PLEKHA7: variants seen among roughly 807,000 people sequenced by gnomAD.
PLEKHA7 encodes pleckstrin homology domain containing A7.
In PLEKHA7, 104 loss-of-function variants were observed where a neutral mutation model predicts 170.0. The ratio of observed to expected loss-of-function variants is 0.61; its 90% CI spans 0.52 to 0.72. The LOEUF (loss-of-function observed/expected upper bound fraction) is 0.72, where lower values mean the gene tolerates loss of function less well. Among genes scored for constraint, PLEKHA7 ranks in the 30% least tolerant of loss-of-function variants. PLEKHA7 has a pLI of 0.00. For missense variants in PLEKHA7, 1,615 were observed against 1,671.7 expected, an observed-to-expected ratio of 0.97 and a Z score of 0.59; for synonymous variants, 648 against 660.8, an observed-to-expected ratio of 0.98 and a Z score of 0.30.
chr11:16,796,897 G>A (rs1395334837), intron 17 of PLEKHA7, among the ~76,000 whole-genome samples: 1 of 152,050 alleles, frequency 6.6e-6, no homozygotes, highest in East Asian at 1.9e-4. Context: ...TGAACTCCCG[G>A]CTCCAAGTGA....
At chr11:16,921,687 A>G (rs1336761739) in intron 3 of PLEKHA7, among the ~76,000 whole-genome samples, 1 of 152,250 alleles carries the variant, frequency 6.6e-6, no homozygotes, top group Non-Finnish European at 1.5e-5. Flanking sequence ...AAGTTGCATC[A>G]TAACTTGCTG....
intron 13 of PLEKHA7, among the ~76,000 whole-genome samples, chr11:16,811,969 T>A (rs1849403544): frequency 6.6e-6 from 1 of 152,194 alleles, no homozygotes; most frequent in African/African-American, 2.4e-5. Flanking sequence ...TCCAGTGTTG[T>A]AACCCACAGA....
intron 4 of PLEKHA7, among the ~76,000 whole-genome samples, chr11:16,858,513 A>G (rs1853662185): frequency 6.8e-6 from 1 of 146,626 alleles, no homozygotes; most frequent in South Asian, 2.1e-4. Context: ...TTTTTTTGAG[A>G]CGGAGTTTCG....
At chr11:17,003,802 C>T (rs1864818068) in intron 3 of PLEKHA7, among the ~76,000 whole-genome samples, 2 of 152,316 alleles carry the variant, frequency 1.3e-5, no homozygotes, top group South Asian at 2.1e-4. Flanking sequence ...CAACAAAAAC[C>T]AACCCTGCTG....
chr11:16,801,849 T>G (rs558125195), intron 15 of PLEKHA7, 32 bp from the exon 16 acceptor site: 2 of 1,612,934 alleles, frequency 1.2e-6, no homozygotes, highest in Middle Eastern at 1.7e-4. Context: ...AACAGCAGGA[T>G]AGGAGGACAG....
At chr11:16,802,934 C>G in intron 15 of PLEKHA7, 38 bp downstream of exon 15, 1 of 1,511,006 alleles carries the variant, frequency 6.6e-7, no homozygotes, top group Non-Finnish European at 9.2e-7. Flanking sequence ...CAAAATGTCC[C>G]TCTGCCCATT....
chr11:16,836,166 A>T (rs763457911), intron 9 of PLEKHA7, among the ~76,000 whole-genome samples: 1 of 152,184 alleles, frequency 6.6e-6, no homozygotes, highest in Non-Finnish European at 1.5e-5. Context: ...TGATGATATG[A>T]GTTTGGGCCC....
chr11:16,945,394 C>A (rs1219380847), intron 3 of PLEKHA7, among the ~76,000 whole-genome samples: 2 of 152,136 alleles, frequency 1.3e-5, no homozygotes, highest in Non-Finnish European at 2.9e-5. Flanking sequence ...GTTGGCCTAC[C>A]CTTCACACAG....
At chr11:16,972,035 C>T (rs1432029284) in intron 3 of PLEKHA7, among the ~76,000 whole-genome samples, 1 of 152,092 alleles carries the variant, frequency 6.6e-6, no homozygotes, top group Non-Finnish European at 1.5e-5. Flanking sequence ...TGTTGGCAGG[C>T]TGGTCTTGGA....
chr11:16,803,439 G>A (rs1590170501), intron 13 of PLEKHA7, 144 bp from the exon 14 acceptor site: 5 of 750,418 alleles, frequency 6.7e-6, no homozygotes, highest in Middle Eastern at 2.4e-4. Flanking sequence ...AAAAACTTGG[G>A]CCATACTTCG....
chr11:16,791,312 C>T lies in PLEKHA7; in HGVS notation c.2746-113G>A. 1 of 1,012,546 alleles carries T rather than the reference C, an allele frequency of 9.9e-7. No individual in the cohort carries two copies. The highest frequency in any genetic ancestry group is 1.4e-6 in the Non-Finnish European group (1 of 698,530). The allele number at this position is 1,012,546 out of a possible 1,614,324, so 62.7% of individuals were successfully genotyped here. A position where few individuals can be genotyped will look rare whatever the true frequency, so the allele number is the denominator to read the frequency against. ...GTAGGAACAGGCCACATCAGAGCCA[C>T]AGAACATGACTGCCTCAGCCAAGGA... On this transcript the variant is annotated intron_variant, in intron 19 of 26. Transcript: ENST00000531066. The surrounding 1 kb of genome is among the most constrained non-coding windows in gnomAD (Gnocchi z 4.5).
At chr11:16,917,942 C>A (rs1231915082) in intron 3 of PLEKHA7, among the ~76,000 whole-genome samples, 1 of 152,164 alleles carries the variant, frequency 6.6e-6, no homozygotes, top group Non-Finnish European at 1.5e-5. Flanking sequence ...TTGTTCTAGA[C>A]AAAATGTCCC....
At chr11:16,854,567 C>A (rs151079195) in intron 6 of PLEKHA7, among the ~76,000 whole-genome samples, 1 of 152,300 alleles carries the variant, frequency 6.6e-6, no homozygotes, top group East Asian at 1.9e-4. Context: ...ACCAGGAAGG[C>A]AAGTGCTGGT....
At position 16,782,619 on chromosome 11, in the gene PLEKHA7, G is replaced by A. The variant is rs1849120366; in HGVS notation, c.3793+135C>T. 5.2e-6 allele frequency: 6 copies of A among 1,163,802 alleles called. No homozygotes were observed. The African/African-American group carries it at 7.7e-5, about 15-fold the overall frequency. The allele number at this position is 1,163,802 out of a possible 1,614,324, so 72.1% of individuals were successfully genotyped here. On this transcript the variant is annotated intron_variant, in intron 26 of 26. Transcript: ENST00000531066. The stretch of plus-strand genomic sequence containing the variant: ...GGGACAGGATGCCGAGTGGTCAGGG[G>A]AACACACCACTGACCCTCAACTACC...
chr11:16,847,515 GCTGGGGCCTCGTGAATCA>G (rs145901356), intron 8 of PLEKHA7, among the ~76,000 whole-genome samples: 4,823 of 152,200 alleles, frequency 0.032, 116 homozygotes, highest in South Asian at 0.072. Context: ...AGAGATATAA[GCTGGGGCCTCGTGAATCA>G]CAATTGGCTT....
intron 3 of PLEKHA7, among the ~76,000 whole-genome samples, chr11:16,983,351 A>T (rs1386552408): frequency 6.6e-6 from 1 of 152,190 alleles, no homozygotes; most frequent in Non-Finnish European, 1.5e-5. Flanking sequence ...AGGAGTCTCT[A>T]TATCAGGTGA....
At chr11:16,825,397 T>G (rs1427585270) in intron 10 of PLEKHA7, among the ~76,000 whole-genome samples, 21 of 152,218 alleles carry the variant, frequency 1.4e-4, no homozygotes, top group Admixed American at 1.4e-3. Flanking sequence ...GGCTTTGCTA[T>G]CTCCTCTTTT....
chr11:16,803,844 C>G (rs970512861), intron 13 of PLEKHA7, among the ~76,000 whole-genome samples: 1 of 152,342 alleles, frequency 6.6e-6, no homozygotes, highest in East Asian at 1.9e-4. Context: ...GGGAAGAAGA[C>G]CTGGCCAAGG....
intron 3 of PLEKHA7, among the ~76,000 whole-genome samples, chr11:16,990,315 A>G (rs1863972989): frequency 7.9e-6 from 1 of 127,146 alleles, no homozygotes; most frequent in Non-Finnish European, 1.6e-5. Flanking sequence ...CCCTGTTCCC[A>G]GGTAATCAGT....
Sources: gnomAD v4.1 joint callset for allele counts (sites outside exome capture counted in the v4.1 genomes callset) on GRCh38, gnomAD v4.1.1 for gene constraint, Gnocchi (gnomAD v3.1) non-coding constraint, MANE v1.5 for transcripts, NCBI Gene and HGNC (gene_info 2026-07-23, HGNC 2026-07-21) for gene names.